GRM3: variants seen among roughly 807,000 people sequenced by gnomAD.
The protein encoded by GRM3 is glutamate metabotropic receptor 3, also known as metabotropic glutamate receptor 3.
Under a neutral mutation model 70.5 loss-of-function variants are expected in GRM3, and 26 were observed. The ratio of observed to expected loss-of-function variants is 0.37; its 90% CI spans 0.27 to 0.51. The LOEUF (loss-of-function observed/expected upper bound fraction) is 0.51. Among genes scored for constraint, GRM3 ranks in the 20% least tolerant of loss-of-function variants. GRM3 has a pLI of 0.93. For synonymous variants in GRM3, 443 were observed against 434.9 expected (o/e 1.02, Z -0.23); for missense variants, 859 against 1,123.8 (o/e 0.76, Z 3.37).
intron 4 of GRM3, among the ~76,000 whole-genome samples, chr7:86,847,522 G>A (rs1451757814): frequency 6.6e-6 from 1 of 152,162 alleles, no homozygotes; most frequent in Admixed American, 6.6e-5. Context: ...AGTAATAATT[G>A]ATTTGGACAT....
intron 2 of GRM3, chr7:86,784,334 T>A (rs901175762): frequency 3.3e-5 from 5 of 152,222 alleles, no homozygotes; most frequent in Admixed American, 6.5e-5. Context: ...AGATATTTTT[T>A]AGGTCCTTTC....
chr7:86,860,788 C>T (rs1190201872), intron 5 of GRM3, among the ~76,000 whole-genome samples: 1 of 152,148 alleles, frequency 6.6e-6, no homozygotes, highest in Admixed American at 6.5e-5. Flanking sequence ...GTCCTCCTTA[C>T]CTAGGCAAGA....
intron 1 of GRM3, among the ~76,000 whole-genome samples, chr7:86,755,004 A>C (rs1796311080): frequency 6.6e-6 from 1 of 152,118 alleles, no homozygotes; most frequent in South Asian, 2.1e-4. Flanking sequence ...TGGTTCTGAA[A>C]AATTTTCTTA....
chr7:86,852,077 T>A (rs1339435604), intron 5 of GRM3, among the ~76,000 whole-genome samples: 1 of 152,110 alleles, frequency 6.6e-6, no homozygotes, highest in Non-Finnish European at 1.5e-5. Context: ...GGTCACACAC[T>A]TTAAAAATGG....
At chr7:86,656,255 A>G (rs1793740301) in intron 1 of GRM3, among the ~76,000 whole-genome samples, 1 of 108,070 alleles carries the variant, frequency 9.3e-6, no homozygotes, top group African/African-American at 3.6e-5. Flanking sequence ...ACACTATACT[A>G]TGTTCTTTTT....
At chr7:86,790,916 T>C (rs1383997405) in intron 3 of GRM3, among the ~76,000 whole-genome samples, 1 of 152,122 alleles carries the variant, frequency 6.6e-6, no homozygotes, top group East Asian at 1.9e-4. Context: ...CTCTACCTTT[T>C]GTTTTTTCAC....
rs183441121 is a variant in GRM3, at chr7:86,802,504, C to T, written c.1324+15388C>T. On this transcript the variant is annotated intron_variant, in intron 3 of 5. Coordinates refer to ENST00000361669, the MANE Select transcript of GRM3 (RefSeq NM_000840.3). ...AATGACTCATAGGAAAGGCCTCCAA[C>T]TACATACTTCACTCCTTCCTCTGAG... 3.3e-5 allele frequency among the ~76,000 whole-genome samples: 5 copies of T among 152,068 alleles called. No homozygotes were observed. In the East Asian group the frequency reaches 9.7e-4, roughly 29 times the overall value.
At chr7:86,755,148 T>C (rs1041972243) in intron 1 of GRM3, among the ~76,000 whole-genome samples, 4 of 151,992 alleles carry the variant, frequency 2.6e-5, no homozygotes, top group Non-Finnish European at 5.9e-5. Context: ...CACCTCACTT[T>C]AGAAGCATAT....
At position 86,786,318 on chromosome 7, in the gene GRM3, G is replaced by C. The variant is rs775931015; in HGVS notation, c.526G>C (p.Ala176Pro). 3.7e-6 allele frequency: 6 copies of C among 1,613,972 alleles called. No individual in the cohort carries two copies. The East Asian group carries it at 1.1e-4, about 30-fold the overall frequency. Residue 176 changes from alanine to proline, a missense_variant, in exon 3 of 6, where the codon GCC becomes CCC. Ala to Pro is a conservative substitution (Grantham distance 27). Coordinates refer to ENST00000361669, the MANE Select transcript of GRM3 (RefSeq NM_000840.3). This position sits in a 1 kb window ranked among gnomAD's most constrained non-coding sequence, Gnocchi z 6.0. Reference sequence around the variant, plus strand: ...TCAGATCAGCTACGCATCCACCAGCGCCAAACTCAGTGATAAGTCGCGCTA... The same window carrying C: ...TCAGATCAGCTACGCATCCACCAGCCCCAAACTCAGTGATAAGTCGCGCTA... ...IPQISYASTS[A>P]KLSDKSRYDY...
At chr7:86,652,018 CA>C (rs1793618404) in intron 1 of GRM3, among the ~76,000 whole-genome samples, 1 of 152,084 alleles carries the variant, frequency 6.6e-6, no homozygotes, top group African/African-American at 2.4e-5. Context: ...GTAACTTTAC[CA>C]GTTTAGTAGG....
At chr7:86,845,362 G>A (rs943630524) in intron 4 of GRM3, among the ~76,000 whole-genome samples, 1 of 152,152 alleles carries the variant, frequency 6.6e-6, no homozygotes, top group African/African-American at 2.4e-5. Flanking sequence ...TGTTCATCAT[G>A]GGCTTAGCAT....
At chr7:86,816,577 G>C (rs1311030826) in intron 3 of GRM3, among the ~76,000 whole-genome samples, 1 of 151,852 alleles carries the variant, frequency 6.6e-6, no homozygotes. Flanking sequence ...AGTTTGCTTA[G>C]CATAATTGCC....
chr7:86,649,648 TA>T (rs578019506), intron 1 of GRM3, among the ~76,000 whole-genome samples: 2 of 151,686 alleles, frequency 1.3e-5, no homozygotes, highest in East Asian at 3.9e-4. Flanking sequence ...CTAAACAGAT[TA>T]AAAAAAATCA....
At chr7:86,726,693 T>C (rs1333627643) in intron 1 of GRM3, among the ~76,000 whole-genome samples, 1 of 152,202 alleles carries the variant, frequency 6.6e-6, no homozygotes, top group African/African-American at 2.4e-5. Context: ...AATAAGTTAC[T>C]TTTCAAGCAC....
intron 3 of GRM3, among the ~76,000 whole-genome samples, chr7:86,806,201 A>G (rs534652463): frequency 1.3e-5 from 2 of 152,192 alleles, no homozygotes; most frequent in Non-Finnish European, 2.9e-5. Flanking sequence ...TAGTGCCACA[A>G]TTAACATACA....
At chr7:86,653,931 C>T (rs1793668713) in intron 1 of GRM3, among the ~76,000 whole-genome samples, 1 of 152,086 alleles carries the variant, frequency 6.6e-6, no homozygotes, top group Admixed American at 6.6e-5. Flanking sequence ...TATAGTTATG[C>T]CCTTATGAGC....
chr7:86,760,303 G>C (rs112697234), intron 1 of GRM3, among the ~76,000 whole-genome samples: 55 of 152,110 alleles, frequency 3.6e-4, no homozygotes, highest in African/African-American at 1.3e-3. Flanking sequence ...TTCATATATT[G>C]CAGGGGTTAT....
chr7:86,740,401 C>T (rs749969288), intron 1 of GRM3, among the ~76,000 whole-genome samples: 1 of 151,858 alleles, frequency 6.6e-6, no homozygotes, highest in Non-Finnish European at 1.5e-5. Context: ...AAGCCCAAAG[C>T]AATACTCCCT....
At chr7:86,686,829 A>G (rs1408225042) in intron 1 of GRM3, among the ~76,000 whole-genome samples, 2 of 152,070 alleles carry the variant, frequency 1.3e-5, no homozygotes, top group Non-Finnish European at 2.9e-5. Flanking sequence ...TATTAAAATT[A>G]TAAAATATAT....
Sources: allele counts gnomAD v4.1 joint callset (sites outside exome capture counted in the v4.1 genomes callset), GRCh38; gene constraint gnomAD v4.1.1; non-coding constraint Gnocchi (gnomAD v3.1); transcripts MANE v1.5; gene names NCBI Gene and HGNC (gene_info 2026-07-23, HGNC 2026-07-21).